The following THOC2 variants were observed in gnomAD, a reference collection of about 807,000 sequenced individuals.
THOC2 encodes the protein THO complex subunit 2, also known as THO complex 2.
In THOC2, 10 loss-of-function variants were observed where a neutral mutation model predicts 128.4. The ratio of observed to expected loss-of-function variants is 0.08; its 90% CI spans 0.05 to 0.13. The LOEUF is 0.13. Ranked by LOEUF, THOC2 falls within the 10% of genes least tolerant of loss-of-function variation. The pLI is 1.00. For missense variants in THOC2, 535 were observed against 1,155.7 expected, an observed-to-expected ratio of 0.46 and a Z score of 7.79; for synonymous variants, 393 against 396.9, an observed-to-expected ratio of 0.99 and a Z score of 0.12.
chrX:123,633,908 C>T (rs758820437), intron 20 of THOC2, 45 bp downstream of exon 20: 5 of 819,035 alleles, frequency 6.1e-6, no homozygotes, highest in Non-Finnish European at 7.2e-6. Context: ...ACCGTGCATA[C>T]ATTATGAATT....
At chrX:123,685,475 G>A (rs2049964879) in intron 8 of THOC2, among the ~76,000 whole-genome samples, 3 of 111,785 alleles carry the variant, frequency 2.7e-5, no homozygotes, top group African/African-American at 6.5e-5. Context: ...AGAAGTGAGA[G>A]GGTTGGGTAA....
chrX:123,693,530 T>C (rs889819216), intron 7 of THOC2, among the ~76,000 whole-genome samples: 2 of 111,794 alleles, frequency 1.8e-5, no homozygotes, highest in Non-Finnish European at 3.8e-5. Flanking sequence ...CAGAGATAAA[T>C]AAACACTGAG....
rs966533955 is a variant in THOC2 at position 123,699,962 on chromosome X, T to C, written c.275-2211A>G. Among the ~76,000 whole-genome samples, 3 of 111,725 alleles carry C rather than the reference T, an allele frequency of 2.7e-5. No individual in the cohort carries two copies. The Admixed American group carries it at 2.9e-4, about 11-fold the overall frequency. On this transcript the variant is annotated intron_variant, in intron 4 of 38. Coordinates refer to ENST00000245838, the MANE Select transcript of THOC2 (RefSeq NM_001081550.2). ...TACCTTCCCTGGTTTCTTTATTCTT[T>C]TTGCTCTAACTCATAACACCATTCT...
intron 12 of THOC2, among the ~76,000 whole-genome samples, chrX:123,656,019 GA>G (rs769477109): frequency 9.7e-5 from 10 of 102,808 alleles, no homozygotes; most frequent in Middle Eastern, 4.9e-3. Context: ...TCTGTCTGGG[GA>G]AAAAAAAAAG....
chrX:123,626,741 T>C, intron 23 of THOC2, 79 bp from the exon 24 acceptor site: 15 of 953,547 alleles, frequency 1.6e-5, no homozygotes, highest in Non-Finnish European at 2.0e-5. Context: ...TTTAAAGAGA[T>C]AAAGGCTGAT....
rs905440857 is a variant in THOC2, at chrX:123,631,677, C to T, written c.2481+11G>A. The T allele has an allele frequency of 8.3e-7, 1 of 1,207,237 alleles. No homozygotes were observed. The highest frequency in any genetic ancestry group is 1.1e-6 in the Non-Finnish European group (1 of 893,052). On this transcript the variant is annotated intron_variant, in intron 22 of 38. Coordinates refer to ENST00000245838, the MANE Select transcript of THOC2 (RefSeq NM_001081550.2). ...TCGTTCTTGAGCGGCAGCAAAGACA[C>T]TTGTACTTACCGAAATATGATGGGC...
At position 123,644,637 on chromosome X, in the gene THOC2, G is replaced by A. The variant is rs1217242617; in HGVS notation, c.1599C>T (p.Asn533=). The change falls in exon 15 of 39, where the codon AAC becomes AAT. Residue 533 remains asparagine (N), a synonymous_variant. Transcript: ENST00000245838. Reference sequence around the variant, plus strand: ...TAACTTTTACTAAAAGTGGGTGACTGTTATAAGTTTCATTCTTCCACTGGC... The same window carrying A: ...TAACTTTTACTAAAAGTGGGTGACTATTATAAGTTTCATTCTTCCACTGGC... ...LYGQWKNETY[N]SHPLLVKVKA... The A allele has an allele frequency of 1.4e-5, 17 of 1,204,572 alleles. No individual in the cohort carries two copies. The highest frequency in any genetic ancestry group is 1.7e-5 in the Non-Finnish European group (15 of 892,087).
intron 25 of THOC2, among the ~76,000 whole-genome samples, chrX:123,625,500 G>A (rs1216031940): frequency 9.1e-6 from 1 of 110,128 alleles, no homozygotes; most frequent in Non-Finnish European, 1.9e-5. Context: ...ATATGTGTGT[G>A]AAGGTGTAAA....
At chrX:123,728,181 G>A (rs763101523) in intron 1 of THOC2, among the ~76,000 whole-genome samples, 1 of 110,540 alleles carries the variant, frequency 9.0e-6, no homozygotes, top group Non-Finnish European at 1.9e-5. Flanking sequence ...AATGAATACT[G>A]GGACAACACA....
rs1452137112 is a variant in THOC2, at chrX:123,674,497, T to C, written c.769-2736A>G. Among the ~76,000 whole-genome samples, 3 of 112,019 alleles carry C rather than the reference T, an allele frequency of 2.7e-5. No homozygotes were observed. In the East Asian group the frequency reaches 8.4e-4, roughly 31 times the overall value. On this transcript the variant is annotated intron_variant, in intron 8 of 38. Transcript: ENST00000245838. ...TTATACACAGTATGTAACTGGATCATGATTTTTTATACATTCTGCCAAACT... is the reference window on the plus strand; with the variant it reads ...TTATACACAGTATGTAACTGGATCACGATTTTTTATACATTCTGCCAAACT...
chrX:123,713,350 G>T (rs1440440576), intron 1 of THOC2, among the ~76,000 whole-genome samples: 2 of 109,732 alleles, frequency 1.8e-5, no homozygotes, highest in Non-Finnish European at 3.8e-5. Flanking sequence ...CGGCATGCAC[G>T]TGTAGTCCCA....
At chrX:123,656,295 C>A (rs1285098809) in intron 12 of THOC2, among the ~76,000 whole-genome samples, 36 of 96,503 alleles carry the variant, frequency 3.7e-4, no homozygotes, top group Non-Finnish European at 2.4e-4. Flanking sequence ...CATGCCACTG[C>A]ACTCCAGCCT....
At chrX:123,703,153 GATT>G (rs2050773875) in intron 4 of THOC2, among the ~76,000 whole-genome samples, 1 of 111,907 alleles carries the variant, frequency 8.9e-6, no homozygotes, top group African/African-American at 3.2e-5. Flanking sequence ...CATTGAATAA[GATT>G]ATTTGGTTAC....
At chrX:123,669,060 C>T (rs1453932214) in intron 9 of THOC2, among the ~76,000 whole-genome samples, 5 of 110,024 alleles carry the variant, frequency 4.5e-5, no homozygotes, top group Admixed American at 1.9e-4. Context: ...TGTTCCTGAC[C>T]CCTAGAAATG....
At chrX:123,629,244 C>CAA in intron 22 of THOC2, among the ~76,000 whole-genome samples, 1 of 105,538 alleles carries the variant, frequency 9.5e-6, no homozygotes, top group African/African-American at 3.5e-5. Flanking sequence ...CACACACACA[C>CAA]ACATATATAT....
At chrX:123,711,878 G>C (rs12559750) in intron 2 of THOC2, among the ~76,000 whole-genome samples, 1 of 103,107 alleles carries the variant, frequency 9.7e-6, no homozygotes, top group Non-Finnish European at 2.0e-5. Flanking sequence ...CTTGAGCCCA[G>C]GAGTTTGAAG....
At chrX:123,715,247 A>G (rs894893427) in intron 1 of THOC2, among the ~76,000 whole-genome samples, 1 of 108,671 alleles carries the variant, frequency 9.2e-6, no homozygotes, top group African/African-American at 3.4e-5. Context: ...CATGTTACCC[A>G]GGCTGGTTTG....
intron 12 of THOC2, among the ~76,000 whole-genome samples, chrX:123,657,148 G>A (rs2048629586): frequency 9.0e-6 from 1 of 111,725 alleles, no homozygotes; most frequent in Admixed American, 9.6e-5. Context: ...ACGCGGCTGA[G>A]GAAAAAATTC....
chrX:123,684,640 A>T (rs2049932440), intron 8 of THOC2, among the ~76,000 whole-genome samples: 1 of 112,101 alleles, frequency 8.9e-6, no homozygotes, highest in African/African-American at 3.2e-5. Flanking sequence ...TGCCCGCCTC[A>T]GCCTCCCAAA....
Sources: allele counts gnomAD v4.1 joint callset (sites outside exome capture counted in the v4.1 genomes callset), GRCh38; gene constraint gnomAD v4.1.1; transcripts MANE v1.5; gene names NCBI Gene and HGNC (gene_info 2026-07-23, HGNC 2026-07-21).